Variants in SYN3 observed in about 807,000 individuals in gnomAD.
The protein encoded by SYN3 is synapsin III.
SYN3 carries 35 observed loss-of-function variants against 65.8 expected under a neutral mutation model. The ratio of observed to expected loss-of-function variants is 0.53; its 90% CI spans 0.41 to 0.70. The LOEUF (loss-of-function observed/expected upper bound fraction) is 0.70. SYN3 is among the 30% of genes least tolerant of loss of function. The probability of loss-of-function intolerance (pLI) is 0.00; values close to 1 mark genes in which losing one functional copy is unlikely to be tolerated. For missense variants in SYN3, 680 were observed against 749.0 expected (o/e 0.91, Z 1.08); for synonymous variants, 270 against 292.9 (o/e 0.92, Z 0.80).
chr22:32,619,192 C>T (rs1294662468), intron 6 of SYN3, among the ~76,000 whole-genome samples: 1 of 152,200 alleles, frequency 6.6e-6, no homozygotes, highest in Non-Finnish European at 1.5e-5. Flanking sequence ...GATTCATGAA[C>T]ACGTTGAGGT....
chr22:32,549,223 A>G (rs1026961307), intron 7 of SYN3, among the ~76,000 whole-genome samples: 3 of 152,140 alleles, frequency 2.0e-5, no homozygotes, highest in African/African-American at 7.2e-5. Context: ...CGTGAAAAAA[A>G]TAGGGTGCAG....
intron 4 of SYN3, among the ~76,000 whole-genome samples, chr22:32,878,295 C>T (rs1409714712): frequency 6.6e-6 from 1 of 152,186 alleles, no homozygotes; most frequent in Non-Finnish European, 1.5e-5. Context: ...TGCAGTTCTT[C>T]TCCCTGACAT....
intron 6 of SYN3, among the ~76,000 whole-genome samples, chr22:32,712,332 A>G (rs984611203): frequency 3.3e-5 from 5 of 152,064 alleles, no homozygotes; most frequent in African/African-American, 1.2e-4. Flanking sequence ...ACTTATCACT[A>G]TTTCAAAGCA....
intron 6 of SYN3, among the ~76,000 whole-genome samples, chr22:32,815,052 C>G (rs1291749308): frequency 2.0e-5 from 3 of 152,218 alleles, no homozygotes; most frequent in African/African-American, 7.2e-5. Context: ...TAGCATATCT[C>G]AGTTTGGACT....
intron 6 of SYN3, among the ~76,000 whole-genome samples, chr22:32,732,457 G>A (rs1280463396): frequency 6.6e-6 from 1 of 152,170 alleles, no homozygotes; most frequent in Admixed American, 6.5e-5. Flanking sequence ...GCTTCCTGGT[G>A]ACTCCCCACA....
intron 6 of SYN3, among the ~76,000 whole-genome samples, chr22:32,816,589 C>T (rs573889283): frequency 9.2e-5 from 14 of 152,012 alleles, no homozygotes; most frequent in Non-Finnish European, 1.6e-4. Flanking sequence ...CTTGCTTTTT[C>T]CTTATTTCTG....
At position 32,513,564 on chromosome 22, in the gene SYN3, A is replaced by T; in HGVS notation, c.*128T>A. 1 of 1,232,312 alleles carries T rather than the reference A, an allele frequency of 8.1e-7. No individual in the cohort carries two copies. The highest frequency in any genetic ancestry group is 1.1e-6 in the Non-Finnish European group (1 of 889,668). 76.3% of individuals were successfully genotyped at this position (1,232,312 alleles called of 1,614,324 possible). ...TATAGATAATCGGTTCCTGGGTCAA[A>T]GGCATTTAGAAAGTATGTTCTCAGG... On this transcript the variant is annotated 3_prime_UTR_variant, in exon 14 of 14. Transcript: ENST00000358763.
intron 6 of SYN3, among the ~76,000 whole-genome samples, chr22:32,824,838 G>C (rs1040435293): frequency 2.0e-4 from 30 of 152,142 alleles, no homozygotes; most frequent in African/African-American, 7.2e-4. Context: ...CAAAAGAGAT[G>C]CTCCCTACTC....
chr22:32,571,600 C>T (rs1418026734), intron 7 of SYN3, among the ~76,000 whole-genome samples: 1 of 152,162 alleles, frequency 6.6e-6, no homozygotes, highest in African/African-American at 2.4e-5. Context: ...CCTTAATACA[C>T]CTTCAAGTCC....
At position 32,541,029 on chromosome 22, in the gene SYN3, C is replaced by A. The variant is rs9609592; in HGVS notation, c.917+542G>T. Among the ~76,000 whole-genome samples the A allele has an allele frequency of 6.3e-3, 960 of 152,206 alleles. 4 individuals are homozygous for A. Among genetic ancestry groups the A allele is most frequent in the Non-Finnish European group, 9.7e-3 (660 of 68,018 alleles). On this transcript the variant is annotated intron_variant, in intron 8 of 13. Transcript: ENST00000358763. The stretch of plus-strand genomic sequence containing the variant: ...TTGCTTTTTTAAAGTTTCTGATAAC[C>A]CATGGTTTTCTAGTAAATTCCCTTT...
chr22:33,051,517 G>A (rs1161310208), intron 1 of SYN3, among the ~76,000 whole-genome samples: 1 of 151,766 alleles, frequency 6.6e-6, no homozygotes, highest in Non-Finnish European at 1.5e-5. Flanking sequence ...TCTGGACAAG[G>A]TGAGAAGTTT....
In SYN3 at chr22:32,837,887, T is replaced by A. The variant is rs1427743285; in HGVS notation, c.711+27028A>T. ...TGTTGGACTCTCTGTTTTCTGTCTC[T>A]CCAATGGGCTGGACTCTCCAGCCTC... On this transcript the variant is annotated intron_variant, in intron 6 of 13. Transcript: ENST00000358763. This position sits in a 1 kb window ranked among gnomAD's most constrained non-coding sequence, Gnocchi z 4.1. 6.6e-6 allele frequency among the ~76,000 whole-genome samples: 1 copy of A among 152,162 alleles called. No homozygotes were observed. The highest frequency in any genetic ancestry group is 6.5e-5 in the Admixed American group (1 of 15,276).
At chr22:32,995,150 G>C (rs1432023114) in intron 2 of SYN3, among the ~76,000 whole-genome samples, 1 of 152,160 alleles carries the variant, frequency 6.6e-6, no homozygotes, top group African/African-American at 2.4e-5. Flanking sequence ...CTCCTCACAG[G>C]CAAGGAAAGC....
intron 1 of SYN3, among the ~76,000 whole-genome samples, chr22:33,036,146 C>A (rs1317451360): frequency 6.6e-6 from 1 of 152,200 alleles, no homozygotes; most frequent in Non-Finnish European, 1.5e-5. Context: ...CCTTCCTCCT[C>A]TTTAAGAAAA....
intron 2 of SYN3, among the ~76,000 whole-genome samples, chr22:32,987,814 T>C (rs241716): frequency 0.34 from 51,116 of 152,064 alleles, 9,647 homozygotes; most frequent in Non-Finnish European, 0.41. Flanking sequence ...ACACCAGGCA[T>C]AGGAGTAGAT....
At chr22:32,833,704 A>G in intron 6 of SYN3, 1 of 465,676 alleles carries the variant, frequency 2.1e-6, no homozygotes, top group Non-Finnish European at 4.3e-6. Context: ...TGCTATGTCC[A>G]CCACTTCCGC....
chr22:32,964,549 G>A (rs769412596), intron 3 of SYN3, among the ~76,000 whole-genome samples: 1 of 152,236 alleles, frequency 6.6e-6, no homozygotes, highest in East Asian at 1.9e-4. Flanking sequence ...CTGGGCAACA[G>A]GTGAGTCAGG....
At chr22:32,811,957 C>T (rs1047482359) in intron 6 of SYN3, among the ~76,000 whole-genome samples, 1 of 152,120 alleles carries the variant, frequency 6.6e-6, no homozygotes, top group Non-Finnish European at 1.5e-5. Flanking sequence ...AGTCAGCAAC[C>T]GCTCCCCTAT....
intron 3 of SYN3, among the ~76,000 whole-genome samples, chr22:32,958,764 G>A (rs2051547860): frequency 6.6e-6 from 1 of 152,170 alleles, no homozygotes; most frequent in Non-Finnish European, 1.5e-5. Context: ...CACATAGCAG[G>A]GAGGTGACAG....
Sources: allele counts gnomAD v4.1 joint callset (sites outside exome capture counted in the v4.1 genomes callset), GRCh38; gene constraint gnomAD v4.1.1; non-coding constraint Gnocchi (gnomAD v3.1); transcripts MANE v1.5; gene names NCBI Gene and HGNC (gene_info 2026-07-23, HGNC 2026-07-21).